The following MPI variants were observed in gnomAD, a reference collection of about 807,000 sequenced individuals.
The protein encoded by MPI is mannose phosphate isomerase.
In MPI, 33 loss-of-function variants were observed where a neutral mutation model predicts 40.1. The ratio of observed to expected loss-of-function variants is 0.82; its 90% confidence interval spans 0.62 to 1.10. The LOEUF is 1.10. MPI is among the 50% of genes least tolerant of loss of function. The probability of loss-of-function intolerance (pLI) is 0.00; values close to 1 mark genes in which losing one functional copy is unlikely to be tolerated. For synonymous variants in MPI, 187 were observed against 207.4 expected, an observed-to-expected ratio of 0.90 and a Z score of 0.85; for missense variants, 514 against 524.1, an observed-to-expected ratio of 0.98 and a Z score of 0.19.
In MPI at chr15:74,891,585, G is replaced by T; in HGVS notation, c.345+6G>T. ...TCCAGGCACACCCTAACAAGGTAAAGGACAGAGTGCGGTGCAGAGGTCAGG... is the reference window on the plus strand; with the variant it reads ...TCCAGGCACACCCTAACAAGGTAAATGACAGAGTGCGGTGCAGAGGTCAGG... On this transcript the variant is annotated splice_donor_region_variant and intron_variant, in intron 3 of 7. Transcript: ENST00000352410. 6.2e-7 allele frequency: 1 copy of T among 1,614,068 alleles called. No homozygotes were observed. The highest frequency in any genetic ancestry group is 8.5e-7 in the Non-Finnish European group (1 of 1,179,916).
intron 5 of MPI, among the ~76,000 whole-genome samples, chr15:74,893,959 T>G (rs1261688684): frequency 1.4e-5 from 2 of 141,888 alleles, no homozygotes; most frequent in African/African-American, 6.1e-5. Flanking sequence ...GCTCTCTTTT[T>G]ATTTTACCTC....
rs1596440893 is a variant in MPI at position 74,890,605 on chromosome 15, C to T, written c.95C>T (p.Ala32Val). ...AACAGCGAAGTGGCGCGGCTGTTGG[C>T]CAGCAGTGATCCACTGGCCCAGATC... ...GSNSEVARLLASSDPLAQIAE... is the reference protein window; with the variant it reads ...GSNSEVARLLVSSDPLAQIAE... Residue 32 changes from alanine (A) to valine (V), a missense_variant, in exon 2 of 8, where the codon GCC becomes GTC. Coordinates refer to ENST00000352410, the MANE Select transcript of MPI (RefSeq NM_002435.3). 3 of 1,614,110 alleles carry T rather than the reference C, an allele frequency of 1.9e-6. No homozygotes were observed. Among genetic ancestry groups the T allele is most frequent in the Non-Finnish European group, 2.5e-6 (3 of 1,180,034 alleles).
intron 3 of MPI, among the ~76,000 whole-genome samples, chr15:74,891,828 TC>T (rs1478184104): frequency 2.6e-5 from 4 of 152,208 alleles, no homozygotes; most frequent in Admixed American, 6.5e-5. Flanking sequence ...AGGGGCTTGT[TC>T]CTGGTCTTCC....
chr15:74,897,450 G>A, intron 7 of MPI, 62 bp from the exon 8 acceptor site: 1 of 1,543,610 alleles, frequency 6.5e-7, no homozygotes, highest in East Asian at 2.2e-5. Flanking sequence ...GACTGTCCTG[G>A]GCCCATGAGC....
rs765912695 is a variant in MPI, at chr15:74,896,176, A to G, written c.695A>G (p.Asp232Gly). The G allele has an allele frequency of 4.3e-6, 7 of 1,614,068 alleles. 1 individual carries two copies. The Middle Eastern group carries it at 1.2e-3, about 266-fold the overall frequency. Residue 232 changes from aspartate (D) to glycine (G), a missense_variant, in exon 6 of 8, where the codon GAC (aspartate) becomes GGC (glycine). Coordinates refer to ENST00000352410, the MANE Select transcript of MPI (RefSeq NM_002435.3). Reference sequence around the variant, plus strand: ...GCGGCTGCCGGAAACAACATGGAGGACATCTTTGGGGAGCTTTTGCTACAG... The same window carrying G: ...GCGGCTGCCGGAAACAACATGGAGGGCATCTTTGGGGAGCTTTTGCTACAG... The part of the protein sequence containing the change: ...QQAAAGNNME[D>G]IFGELLLQLH...
At position 74,897,241 on chromosome 15, in the gene MPI, G is replaced by A. The variant is rs757723056; in HGVS notation, c.1053+22G>A. Reference sequence around the variant, plus strand: ...GGAGGTGAGTGAGGGGCTATGATGGGTGTCCTTCGTGTGCCATGAAAATCT... The same window carrying A: ...GGAGGTGAGTGAGGGGCTATGATGGATGTCCTTCGTGTGCCATGAAAATCT... On this transcript the variant is annotated intron_variant, in intron 7 of 7. Transcript: ENST00000352410. 12 of 1,608,878 alleles carry A rather than the reference G, an allele frequency of 7.5e-6. No individual in the cohort carries two copies. In the African/African-American group the frequency reaches 1.5e-4, roughly 20 times the overall value.
intron 5 of MPI, chr15:74,895,813 A>G (rs2064809361): frequency 2.8e-6 from 1 of 355,746 alleles, no homozygotes; most frequent in African/African-American, 2.1e-5. Context: ...AGTACACAGG[A>G]CAGCCCCCAC....
Position 74,893,323 on chromosome 15 carries a change from G to A in MPI, c.670+3G>A, listed in dbSNP as rs369009430. 2.5e-6 allele frequency: 4 copies of A among 1,614,026 alleles called. No homozygotes were observed. In the African/African-American group the frequency reaches 5.3e-5, roughly 22 times the overall value. On this transcript the variant is annotated splice_donor_region_variant and intron_variant, in intron 5 of 7. Transcript: ENST00000352410. ...GGTGAAGCGGATCTCCCAGCAAGGT[G>A]GACACAGTTATATTCCTGGTTGGGT...
intron 5 of MPI, chr15:74,893,548 G>C (rs921551601): frequency 1.5e-6 from 1 of 645,564 alleles, no homozygotes; most frequent in African/African-American, 1.8e-5. Flanking sequence ...CAGATGGTTG[G>C]AGGCAGACTG....
In MPI at chr15:74,894,107, T is replaced by TGTGTGTGTGTTTTCTGAGCCAG. The variant is rs1555478772; in HGVS notation, c.670+788_670+789insTGTGTGTGTTTTCTGAGCCAGG. Among the ~76,000 whole-genome samples, 430 of 60,994 alleles carry TGTGTGTGTGTTTTCTGAGCCAG rather than the reference T, an allele frequency of 7.0e-3. 138 individuals are homozygous for TGTGTGTGTGTTTTCTGAGCCAG. Among genetic ancestry groups the TGTGTGTGTGTTTTCTGAGCCAG allele is most frequent in the Non-Finnish European group, 0.015 (319 of 21,576 alleles). The allele number at this position is 60,994 out of a possible 152,430, so 40.0% of individuals were successfully genotyped here. ...GTGTGTGTGTGTGTGTGTGTGTGTG[T>TGTGTGTGTGTTTTCTGAGCCAG]GGTCTCTTTCTGTTGCCCCAGGCTG... On this transcript the variant is annotated intron_variant, in intron 5 of 7. Transcript: ENST00000352410.
chr15:74,892,679 C>T lies in MPI; in HGVS notation c.364C>T (p.His122Tyr), dbSNP rs2064744612. The part of the protein sequence containing the change: ...HPNKELAEKL[H>Y]LQAPQHYPDA... The stretch of plus-strand genomic sequence containing the variant: ...CCCACAGGAGCTGGCAGAGAAGCTG[C>T]ACCTCCAGGCTCCGCAGCACTACCC... The change falls in exon 4 of 8, where the codon CAC becomes TAC. Residue 122 changes from histidine (H) to tyrosine (Y), a missense_variant. His to Tyr is a moderately conservative substitution (Grantham distance 83). Coordinates refer to ENST00000352410, the MANE Select transcript of MPI (RefSeq NM_002435.3). 4 of 1,614,216 alleles carry T rather than the reference C, an allele frequency of 2.5e-6. No homozygotes were observed. The highest frequency in any genetic ancestry group is 2.2e-5 in the South Asian group (2 of 91,090).
Position 74,897,937 on chromosome 15 carries a change from G to A in MPI, c.*207G>A. On this transcript the variant is annotated 3_prime_UTR_variant, in exon 8 of 8. Transcript: ENST00000352410. ...ATCTTTGGGGAGGAGAGGCCCGTGTGAGGGGTCTGATACTCCCTTTGTCTT... is the reference window on the plus strand; with the variant it reads ...ATCTTTGGGGAGGAGAGGCCCGTGTAAGGGGTCTGATACTCCCTTTGTCTT... The A allele has an allele frequency of 1.6e-6, 1 of 641,244 alleles. No homozygotes were observed. Among genetic ancestry groups the A allele is most frequent in the Non-Finnish European group, 2.8e-6 (1 of 351,384 alleles). The allele number at this position is 641,244 out of a possible 1,614,324, so 39.7% of individuals were successfully genotyped here. A position where few individuals can be genotyped will look rare whatever the true frequency, so the allele number is the denominator to read the frequency against.
chr15:74,896,931 T>G, intron 6 of MPI, 80 bp from the exon 7 acceptor site: 4 of 1,355,024 alleles, frequency 3.0e-6, no homozygotes, highest in Non-Finnish European at 3.2e-6. Context: ...ATGGGGTTCA[T>G]GGAGCTCAGG....
rs946927722 is a variant in MPI at position 74,890,089 on chromosome 15, G to A, written c.16G>A (p.Val6Ile). MAAPRVFPLSCAVQQY... is the reference protein window; with the variant it reads MAAPRIFPLSCAVQQY... ...GGGGGCGAGCATGGCCGCTCCGCGA[G>A]GTGAGCCATTGGCTGGGGTGTCGGC... is the stretch of plus-strand genomic sequence containing the variant. The change falls in exon 1 of 8, where the codon GTA becomes ATA. Residue 6 changes from valine (V) to isoleucine (I), a missense_variant and splice_region_variant. Transcript: ENST00000352410. 6.2e-7 allele frequency: 1 copy of A among 1,608,348 alleles called. No homozygotes were observed. The highest frequency in any genetic ancestry group is 8.5e-7 in the Non-Finnish European group (1 of 1,179,978).
chr15:74,897,481 C>G, intron 7 of MPI, 31 bp from the exon 8 acceptor site: 1 of 1,600,818 alleles, frequency 6.2e-7, no homozygotes, highest in South Asian at 1.1e-5. Flanking sequence ...AGAGTCTGAG[C>G]TGCACTGCCT....
intron 5 of MPI, chr15:74,893,564 G>T (rs781713226): frequency 7.9e-6 from 5 of 629,820 alleles, no homozygotes; most frequent in Non-Finnish European, 1.2e-5. Context: ...GACTGGCATA[G>T]AGGACTCTTA....
intron 6 of MPI, 143 bp from the exon 7 acceptor site, chr15:74,896,868 T>A: frequency 1.3e-6 from 1 of 781,658 alleles, no homozygotes; most frequent in Non-Finnish European, 2.2e-6. Flanking sequence ...TTTGATATCT[T>A]AACCCCATTC....
chr15:74,892,560 C>T, intron 3 of MPI, 101 bp from the exon 4 acceptor site: 2 of 1,537,646 alleles, frequency 1.3e-6, no homozygotes, highest in Non-Finnish European at 1.8e-6. Context: ...TGCCATCCTG[C>T]AACTGGGGAG....
At chr15:74,896,784 G>A in intron 6 of MPI, 1 of 637,232 alleles carries the variant, frequency 1.6e-6, no homozygotes, top group Non-Finnish European at 2.8e-6. Context: ...TACAGAGTTG[G>A]GGCTCCCCAA....
Sources: gnomAD v4.1 joint callset for allele counts (sites outside exome capture counted in the v4.1 genomes callset) on GRCh38, gnomAD v4.1.1 for gene constraint, MANE v1.5 for transcripts, NCBI Gene and HGNC (gene_info 2026-07-23, HGNC 2026-07-21) for gene names.